Variants in LRRC4C observed in about 807,000 individuals in gnomAD.
LRRC4C encodes the protein leucine rich repeat containing 4C, also known as leucine-rich repeat-containing protein 4C.
LRRC4C carries 5 observed loss-of-function variants against 33.6 expected under a neutral mutation model. The observed-to-expected ratio is 0.15, with a 90% CI of 0.08 to 0.31. The LOEUF is 0.31. LRRC4C is among the 10% of genes least tolerant of loss of function. LRRC4C has a pLI of 1.00. For synonymous variants in LRRC4C, 329 were observed against 302.0 expected, an observed-to-expected ratio of 1.09 and a Z score of -0.93; for missense variants, 560 against 796.7, an observed-to-expected ratio of 0.70 and a Z score of 3.58.
rs138022412 is a variant in LRRC4C at position 40,349,039 on chromosome 11, T to C, written c.-269-29318A>G. Among the ~76,000 whole-genome samples, 770 of 152,208 alleles carry C rather than the reference T, an allele frequency of 5.1e-3. 12 individuals carry two copies. The highest frequency in any genetic ancestry group is 0.017 in the African/African-American group (725 of 41,520). ...AATAATCATATCAGGGTAAATGGAG[T>C]ATCCATCACCTCAAGCATTTATTAT... On this transcript the variant is annotated intron_variant, in intron 3 of 6. Transcript: ENST00000528697.
chr11:41,298,273 A>T (rs780765446), intron 1 of LRRC4C, among the ~76,000 whole-genome samples: 2 of 152,178 alleles, frequency 1.3e-5, no homozygotes, highest in African/African-American at 2.4e-5. Flanking sequence ...AAGAGATAAA[A>T]GAAGGGAAGA....
At chr11:41,399,356 G>T (rs1432293000) in intron 1 of LRRC4C, among the ~76,000 whole-genome samples, 1 of 151,958 alleles carries the variant, frequency 6.6e-6, no homozygotes, top group African/African-American at 2.4e-5. Context: ...GGACTGACTG[G>T]TGAGGAAAGA....
At chr11:40,149,304 C>G (rs1857997022) in intron 5 of LRRC4C, among the ~76,000 whole-genome samples, 1 of 152,162 alleles carries the variant, frequency 6.6e-6, no homozygotes, top group Non-Finnish European at 1.5e-5. Flanking sequence ...AATAATGATT[C>G]TTCCTGTTCA....
chr11:40,648,959 G>A (rs986711573), intron 2 of LRRC4C, among the ~76,000 whole-genome samples: 2 of 152,094 alleles, frequency 1.3e-5, no homozygotes, highest in African/African-American at 4.8e-5. Context: ...TTAATTAAGG[G>A]TTTCAAAAGG....
chr11:41,237,781 T>C (rs1948085809), intron 1 of LRRC4C, among the ~76,000 whole-genome samples: 2 of 152,140 alleles, frequency 1.3e-5, no homozygotes, highest in African/African-American at 4.8e-5. Context: ...CAACAGAGCT[T>C]TCAATTTTTT....
At chr11:41,390,207 G>A (rs1591410400) in intron 1 of LRRC4C, among the ~76,000 whole-genome samples, 1 of 151,892 alleles carries the variant, frequency 6.6e-6, no homozygotes, top group South Asian at 2.1e-4. Context: ...TCCTACATAT[G>A]CAAAGTGAGT....
At chr11:41,226,383 C>T (rs969456324) in intron 1 of LRRC4C, among the ~76,000 whole-genome samples, 1 of 152,122 alleles carries the variant, frequency 6.6e-6, no homozygotes, top group South Asian at 2.1e-4. Flanking sequence ...AGGAAAGAAG[C>T]AAGCAAACAG....
At position 40,883,795 on chromosome 11, in the gene LRRC4C, AG is replaced by A. The variant is rs1955300710; in HGVS notation, c.-407+49839del. Among the ~76,000 whole-genome samples, 2 of 152,068 alleles carry A rather than the reference AG, an allele frequency of 1.3e-5. 1 individual carries two copies. The highest frequency in any genetic ancestry group is 4.1e-4 in the South Asian group (2 of 4,834). ...ATTATTAACTGCTGAGGATCTCTAT[AG>A]AAATGACTTTCTGTTATTCAAAATG... On this transcript the variant is annotated intron_variant, in intron 2 of 6. Transcript: ENST00000528697.
intron 1 of LRRC4C, among the ~76,000 whole-genome samples, chr11:41,382,233 C>A (rs1044060909): frequency 6.6e-6 from 1 of 151,858 alleles, no homozygotes; most frequent in African/African-American, 2.4e-5. Flanking sequence ...AGATTTATTA[C>A]CTTAAAGATA....
intron 2 of LRRC4C, among the ~76,000 whole-genome samples, chr11:40,732,859 A>AT (rs1176272507): frequency 2.6e-5 from 4 of 152,080 alleles, no homozygotes; most frequent in Non-Finnish European, 1.5e-5. Flanking sequence ...TTCGTGGAAT[A>AT]TTTTAACCAT....
chr11:40,776,850 G>T (rs1330254072), intron 2 of LRRC4C, among the ~76,000 whole-genome samples: 2 of 151,970 alleles, frequency 1.3e-5, no homozygotes, highest in Non-Finnish European at 2.9e-5. Flanking sequence ...CTAACTTCTT[G>T]TTTTAGGTGT....
At chr11:40,665,318 AAAAAAAAATATATATATATAT>A (rs1943677740) in intron 2 of LRRC4C, among the ~76,000 whole-genome samples, 1 of 54,212 alleles carries the variant, frequency 1.8e-5, no homozygotes, top group Non-Finnish European at 3.8e-5. Flanking sequence ...TAAAAAAAAA[AAAAAAAAATATATATATATAT>A]ATATATATAT....
chr11:40,124,571 A>T (rs530681478), intron 6 of LRRC4C, among the ~76,000 whole-genome samples: 1 of 152,196 alleles, frequency 6.6e-6, no homozygotes, highest in African/African-American at 2.4e-5. Context: ...GACAAATTTC[A>T]TATGTTCTCA....
intron 3 of LRRC4C, among the ~76,000 whole-genome samples, chr11:40,643,274 A>G (rs1013546840): frequency 3.3e-5 from 5 of 152,186 alleles, no homozygotes; most frequent in African/African-American, 7.2e-5. Flanking sequence ...GAGGCAATTA[A>G]CACTTTCATC....
intron 1 of LRRC4C, among the ~76,000 whole-genome samples, chr11:41,438,794 A>C (rs1374641105): frequency 6.6e-6 from 1 of 152,208 alleles, no homozygotes; most frequent in Non-Finnish European, 1.5e-5. Context: ...CATTTAATAT[A>C]TATTGAATGA....
intron 3 of LRRC4C, among the ~76,000 whole-genome samples, chr11:40,370,261 A>C (rs77399501): frequency 0.053 from 8,006 of 152,128 alleles, 665 homozygotes; most frequent in African/African-American, 0.18. Context: ...TCACACACAG[A>C]ATGCAAAATG....
At chr11:40,896,728 G>A (rs1955958841) in intron 2 of LRRC4C, among the ~76,000 whole-genome samples, 1 of 151,802 alleles carries the variant, frequency 6.6e-6, no homozygotes, top group East Asian at 1.9e-4. Flanking sequence ...AAATAATATA[G>A]TGACAGAAGA....
intron 2 of LRRC4C, among the ~76,000 whole-genome samples, chr11:40,667,573 G>T (rs544429177): frequency 6.6e-6 from 1 of 152,270 alleles, no homozygotes; most frequent in African/African-American, 2.4e-5. Flanking sequence ...GCTGACTGTT[G>T]TGAGTCTCTT....
rs1348402952 is a variant in LRRC4C, at chr11:41,150,725, G to T, written c.-495-217002C>A. The stretch of plus-strand genomic sequence containing the variant: ...AATTGCTTGAACCCAGGACGCAGAG[G>T]TTGCAGTGAGCCGAGATCATGCCAC... On this transcript the variant is annotated intron_variant, in intron 1 of 6. Transcript: ENST00000528697. Among the ~76,000 whole-genome samples the T allele has an allele frequency of 2.0e-5, 3 of 151,658 alleles. No individual in the cohort carries two copies. The East Asian group carries it at 5.8e-4, about 29-fold the overall frequency.
Sources: allele counts gnomAD v4.1 joint callset (sites outside exome capture counted in the v4.1 genomes callset), GRCh38; gene constraint gnomAD v4.1.1; transcripts MANE v1.5; gene names NCBI Gene and HGNC (gene_info 2026-07-23, HGNC 2026-07-21).